CAMK4: variants seen among roughly 807,000 people sequenced by gnomAD.
The protein encoded by CAMK4 is calcium/calmodulin-dependent protein kinase type IV.
In CAMK4, 22 loss-of-function variants were observed where a neutral mutation model predicts 44.9. That is an observed-to-expected ratio of 0.49 (90% CI 0.35 to 0.70). The LOEUF is 0.70. Among genes scored for constraint, CAMK4 ranks in the 30% least tolerant of loss-of-function variants. The pLI is 0.01. For missense variants in CAMK4, 498 were observed against 586.8 expected (o/e 0.85, Z 1.56); for synonymous variants, 218 against 215.4 (o/e 1.01, Z -0.11).
At chr5:111,463,745 A>G (rs1024339734) in intron 7 of CAMK4, among the ~76,000 whole-genome samples, 6 of 152,150 alleles carry the variant, frequency 3.9e-5, no homozygotes, top group Non-Finnish European at 2.9e-5. Context: ...GATTAATAAC[A>G]AGCACTGCAG....
At chr5:111,447,911 T>G (rs1754084630) in intron 6 of CAMK4, among the ~76,000 whole-genome samples, 1 of 152,198 alleles carries the variant, frequency 6.6e-6, no homozygotes, top group African/African-American at 2.4e-5. Context: ...CCATTTCCTT[T>G]CACATCACTT....
intron 1 of CAMK4, among the ~76,000 whole-genome samples, chr5:111,288,909 A>G (rs1287022999): frequency 1.3e-5 from 2 of 152,362 alleles, no homozygotes; most frequent in Non-Finnish European, 2.9e-5. Flanking sequence ...AGAAAGGGGA[A>G]ATATTTATCA....
chr5:111,314,984 T>A (rs1205761052), intron 1 of CAMK4, among the ~76,000 whole-genome samples: 1 of 152,052 alleles, frequency 6.6e-6, no homozygotes, highest in East Asian at 1.9e-4. Context: ...AGTAGCAAAA[T>A]GACATGATTA....
chr5:111,471,911 A>ATTTT (rs35212436), intron 7 of CAMK4, among the ~76,000 whole-genome samples: 33 of 151,608 alleles, frequency 2.2e-4, no homozygotes, highest in African/African-American at 7.5e-4. Flanking sequence ...TTATTTATTT[A>ATTTT]TTTTTTGAGA....
At chr5:111,438,426 T>A (rs1286646215) in intron 5 of CAMK4, among the ~76,000 whole-genome samples, 2 of 152,194 alleles carry the variant, frequency 1.3e-5, no homozygotes, top group Non-Finnish European at 2.9e-5. Flanking sequence ...CATATTCAAA[T>A]CACATCATTT....
intron 1 of CAMK4, among the ~76,000 whole-genome samples, chr5:111,226,976 G>A (rs1748221134): frequency 6.6e-6 from 1 of 152,120 alleles, no homozygotes; most frequent in African/African-American, 2.4e-5. Context: ...TACTGTAAAA[G>A]ATCACAGAGT....
intron 1 of CAMK4, among the ~76,000 whole-genome samples, chr5:111,334,917 T>C (rs916116033): frequency 6.6e-6 from 1 of 151,516 alleles, no homozygotes; most frequent in Non-Finnish European, 1.5e-5. Flanking sequence ...ATAACAAGAT[T>C]TTTTGATTTC....
At chr5:111,316,238 G>T (rs940327587) in intron 1 of CAMK4, among the ~76,000 whole-genome samples, 1 of 151,998 alleles carries the variant, frequency 6.6e-6, no homozygotes, top group Admixed American at 6.6e-5. Flanking sequence ...AGGAGATGTC[G>T]CCAGTCCCCT....
At chr5:111,268,392 G>A (rs1290353223) in intron 1 of CAMK4, among the ~76,000 whole-genome samples, 1 of 152,156 alleles carries the variant, frequency 6.6e-6, no homozygotes, top group Admixed American at 6.5e-5. Flanking sequence ...CATCTCTTTG[G>A]AGGAAAAGTG....
rs1297893952 is a variant in CAMK4 at position 111,407,332 on chromosome 5, CAGAG to C, written c.459+12556_459+12559del. On this transcript the variant is annotated intron_variant, in intron 5 of 10. Transcript: ENST00000282356. ...CGCCACTGCACTCTAGCCTGGGTGACAGAGAGAGACTCCTTAAAAAAAAAAAAAA... is the reference window on the plus strand; with the variant it reads ...CGCCACTGCACTCTAGCCTGGGTGACAGAGACTCCTTAAAAAAAAAAAAAA... 4.3e-5 allele frequency among the ~76,000 whole-genome samples: 6 copies of C among 141,092 alleles called. No individual in the cohort carries two copies. In the South Asian group the frequency reaches 6.8e-4, roughly 16 times the overall value. 92.6% of individuals were successfully genotyped at this position (141,092 alleles called of 152,430 possible). A position where few individuals can be genotyped will look rare whatever the true frequency, so the allele number is the denominator to read the frequency against.
intron 1 of CAMK4, among the ~76,000 whole-genome samples, chr5:111,320,982 T>C (rs1748639226): frequency 6.6e-6 from 1 of 152,162 alleles, no homozygotes; most frequent in Non-Finnish European, 1.5e-5. Context: ...CATTGTCTGA[T>C]TTGTGAAATG....
intron 1 of CAMK4, among the ~76,000 whole-genome samples, chr5:111,258,949 C>G (rs973758367): frequency 6.6e-6 from 1 of 152,080 alleles, no homozygotes; most frequent in Non-Finnish European, 1.5e-5. Flanking sequence ...GGAAGTAAAT[C>G]TCAACATACG....
At chr5:111,421,650 T>C (rs1054348174) in intron 5 of CAMK4, among the ~76,000 whole-genome samples, 3 of 152,216 alleles carry the variant, frequency 2.0e-5, no homozygotes, top group African/African-American at 7.2e-5. Flanking sequence ...TTGTCTTGTT[T>C]TTTTGTTTGT....
chr5:111,418,891 C>T (rs547294055), intron 5 of CAMK4, among the ~76,000 whole-genome samples: 17 of 152,142 alleles, frequency 1.1e-4, no homozygotes, highest in Admixed American at 2.0e-4. Context: ...TGAATAGTGC[C>T]GCAATAAACA....
At chr5:111,352,843 A>T (rs945184430) in intron 2 of CAMK4, among the ~76,000 whole-genome samples, 2 of 152,082 alleles carry the variant, frequency 1.3e-5, no homozygotes, top group Admixed American at 1.3e-4. Flanking sequence ...AGCATTGAGG[A>T]TCAAATTTCC....
chr5:111,364,802 A>G (rs888145627), intron 2 of CAMK4: 3 of 152,122 alleles, frequency 2.0e-5, no homozygotes, highest in Non-Finnish European at 2.9e-5. Context: ...GGGTTTTACA[A>G]TGCTCAAAGA....
chr5:111,443,837 T>C, intron 5 of CAMK4, among the ~76,000 whole-genome samples: 1 of 152,218 alleles, frequency 6.6e-6, no homozygotes, highest in East Asian at 1.9e-4. Flanking sequence ...AAAATCAATA[T>C]GTTCCGTTAG....
intron 2 of CAMK4, among the ~76,000 whole-genome samples, chr5:111,364,663 C>G (rs1032578851): frequency 2.6e-5 from 4 of 152,026 alleles, no homozygotes; most frequent in Admixed American, 2.6e-4. Flanking sequence ...TCTTGTTTTG[C>G]CTAGACTCTT....
intron 5 of CAMK4, among the ~76,000 whole-genome samples, chr5:111,443,357 T>C: frequency 7.1e-6 from 1 of 140,988 alleles, no homozygotes; most frequent in South Asian, 2.2e-4. Context: ...ACTATATATA[T>C]AGTATATATA....
Sources: gnomAD v4.1 joint callset for allele counts (sites outside exome capture counted in the v4.1 genomes callset) on GRCh38, gnomAD v4.1.1 for gene constraint, MANE v1.5 for transcripts, NCBI Gene and HGNC (gene_info 2026-07-23, HGNC 2026-07-21) for gene names.